Variants in MMP16 observed in about 807,000 individuals in gnomAD.
The protein encoded by MMP16 is matrix metallopeptidase 16, also known as matrix metalloproteinase-16.
A neutral mutation model predicts 67.8 loss-of-function variants in MMP16; 12 were observed. That is an observed-to-expected ratio of 0.18 (90% CI 0.11 to 0.29). MMP16 has a LOEUF of 0.29. Ranked by LOEUF, MMP16 falls within the 10% of genes least tolerant of loss-of-function variation. The pLI, the probability that MMP16 is intolerant of heterozygous loss-of-function variation, is 1.00. For synonymous variants in MMP16, 249 were observed against 255.9 expected (o/e 0.97, Z 0.26); for missense variants, 475 against 765.7 (o/e 0.62, Z 4.48).
In MMP16 at chr8:88,062,814, A is replaced by G. The variant is rs1808417193; in HGVS notation, c.1223-6536T>C. ...TACAACTTAAAGTATAATAAAAAAA[A>G]TTAAAAAAGAAGAAAAAACGTAAAT... On this transcript the variant is annotated intron_variant, in intron 7 of 9. Coordinates refer to ENST00000286614, the MANE Select transcript of MMP16 (RefSeq NM_005941.5). Among the ~76,000 whole-genome samples, 8 of 152,284 alleles carry G rather than the reference A, an allele frequency of 5.3e-5. No individual in the cohort carries two copies. In the South Asian group the frequency reaches 1.7e-3, roughly 32 times the overall value.
intron 1 of MMP16, among the ~76,000 whole-genome samples, chr8:88,304,811 A>T (rs1318229741): frequency 6.6e-6 from 1 of 152,226 alleles, no homozygotes; most frequent in Non-Finnish European, 1.5e-5. Context: ...TAAATATGAA[A>T]AGGAAAAGCC....
In MMP16 at chr8:88,229,470, A is replaced by G. The variant is rs138031144; in HGVS notation, c.133-32164T>C. ...TTTAGAAAATGAGAGAGAAGGTAGAAAAGACAGGTTATAATTAGGTTACAG... is the reference window on the plus strand; with the variant it reads ...TTTAGAAAATGAGAGAGAAGGTAGAGAAGACAGGTTATAATTAGGTTACAG... On this transcript the variant is annotated intron_variant, in intron 1 of 9. Transcript: ENST00000286614. 5.4e-3 allele frequency among the ~76,000 whole-genome samples: 817 copies of G among 152,244 alleles called. 11 individuals carry two copies. Among genetic ancestry groups the G allele is most frequent in the African/African-American group, 0.018 (768 of 41,562 alleles).
chr8:88,176,111 A>T (rs2129725312), intron 3 of MMP16, among the ~76,000 whole-genome samples: 1 of 152,330 alleles, frequency 6.6e-6, no homozygotes, highest in East Asian at 1.9e-4. Flanking sequence ...CGGGACACTA[A>T]GATTTAGTGG....
intron 6 of MMP16, among the ~76,000 whole-genome samples, chr8:88,084,594 C>T (rs928337392): frequency 1.3e-5 from 2 of 151,970 alleles, no homozygotes; most frequent in Non-Finnish European, 2.9e-5. Context: ...ATACCTACAA[C>T]TTTGTTTCGC....
chr8:88,045,975 T>A (rs1010649283), intron 9 of MMP16, among the ~76,000 whole-genome samples: 1 of 152,206 alleles, frequency 6.6e-6, no homozygotes, highest in African/African-American at 2.4e-5. Context: ...ATAAATTCAA[T>A]TTCAAATTAT....
At chr8:88,293,028 C>A (rs905902095) in intron 1 of MMP16, among the ~76,000 whole-genome samples, 1 of 152,098 alleles carries the variant, frequency 6.6e-6, no homozygotes, top group Non-Finnish European at 1.5e-5. Context: ...CCACTTAACG[C>A]TCTAGAGTTC....
rs1808022102 is a variant in MMP16, at chr8:88,034,119, T to C, written c.*7342A>G. ...TATGTCAACTTTGCTGGGACTGTCT[T>C]TGCATGGAAGTTTTGACGAAAAATA... On this transcript the variant is annotated 3_prime_UTR_variant, in exon 10 of 10. Transcript: ENST00000286614. 6.6e-6 allele frequency: 1 copy of C among 151,944 alleles called. No individual in the cohort carries two copies. The highest frequency in any genetic ancestry group is 2.1e-4 in the South Asian group (1 of 4,826). 9.4% of individuals were successfully genotyped at this position (151,944 alleles called of 1,614,324 possible).
chr8:88,123,138 A>G (rs2118448730), intron 4 of MMP16, among the ~76,000 whole-genome samples: 1 of 152,026 alleles, frequency 6.6e-6, no homozygotes, highest in South Asian at 2.1e-4. Flanking sequence ...GCAATAGATA[A>G]ATGCTGTGGG....
At chr8:88,286,562 T>C (rs931220504) in intron 1 of MMP16, among the ~76,000 whole-genome samples, 6 of 147,136 alleles carry the variant, frequency 4.1e-5, no homozygotes, top group Non-Finnish European at 7.5e-5. Context: ...GTTACATGAG[T>C]CAGAGACCTG....
chr8:88,261,836 A>G (rs570931725), intron 1 of MMP16, among the ~76,000 whole-genome samples: 59 of 151,828 alleles, frequency 3.9e-4, no homozygotes, highest in African/African-American at 1.4e-3. Context: ...ACATTTACTG[A>G]GTGTATCCTA....
At chr8:88,315,776 T>A (rs1482083537) in intron 1 of MMP16, among the ~76,000 whole-genome samples, 3 of 152,138 alleles carry the variant, frequency 2.0e-5, no homozygotes, top group Admixed American at 2.0e-4. Flanking sequence ...TTTCTCACTT[T>A]ATATTAAAAG....
chr8:88,143,173 T>C (rs1324132285), intron 4 of MMP16, among the ~76,000 whole-genome samples: 1 of 152,000 alleles, frequency 6.6e-6, no homozygotes, highest in Non-Finnish European at 1.5e-5. Flanking sequence ...TCAATCTGAA[T>C]AGGAAGGGTG....
rs1192760692 is a variant in MMP16 at position 88,054,515 on chromosome 8, C to CT, written c.1373+1612dup. Among the ~76,000 whole-genome samples, 8 of 152,236 alleles carry CT rather than the reference C, an allele frequency of 5.3e-5. No homozygotes were observed. In the East Asian group the frequency reaches 1.6e-3, roughly 30 times the overall value. ...GGACATCCTGTTGAGAGTCATTACA[C>CT]TTTTTGGGGCTTTAAGTAGCATCTT... On this transcript the variant is annotated intron_variant, in intron 8 of 9. Transcript: ENST00000286614.
chr8:88,211,265 A>C (rs1809507735), intron 1 of MMP16, among the ~76,000 whole-genome samples: 1 of 152,160 alleles, frequency 6.6e-6, no homozygotes, highest in Admixed American at 6.6e-5. Flanking sequence ...AAATTCAAAC[A>C]ACAAACAAGT....
chr8:88,071,738 G>C (rs1160004622), intron 7 of MMP16, among the ~76,000 whole-genome samples: 1 of 152,062 alleles, frequency 6.6e-6, no homozygotes, highest in Admixed American at 6.6e-5. Flanking sequence ...CTATATTCCA[G>C]GTATTGTTTA....
rs1465745228 is a variant in MMP16 at position 88,035,859 on chromosome 8, G to A, written c.*5602C>T. On this transcript the variant is annotated 3_prime_UTR_variant, in exon 10 of 10. Transcript: ENST00000286614. The surrounding 1 kb of genome is among the most constrained non-coding windows in gnomAD (Gnocchi z 4.7). Reference sequence around the variant, plus strand: ...GGTTTAACTTTCAAAGTAGACATACGTATAAAATATTGAAACATATATTTG... The same window carrying A: ...GGTTTAACTTTCAAAGTAGACATACATATAAAATATTGAAACATATATTTG... 2.6e-5 allele frequency: 4 copies of A among 151,964 alleles called. No individual in the cohort carries two copies. Among genetic ancestry groups the A allele is most frequent in the East Asian group, 1.9e-4 (1 of 5,172 alleles). The allele number at this position is 151,964 out of a possible 1,614,324, so 9.4% of individuals were successfully genotyped here.
intron 4 of MMP16, among the ~76,000 whole-genome samples, chr8:88,122,108 A>C (rs952327673): frequency 1.3e-5 from 2 of 152,140 alleles, no homozygotes; most frequent in Admixed American, 1.3e-4. Flanking sequence ...TGCACTGCTT[A>C]CATTTTTGTT....
chr8:88,108,665 A>C (rs1012465057), intron 6 of MMP16, among the ~76,000 whole-genome samples: 2 of 151,326 alleles, frequency 1.3e-5, no homozygotes, highest in African/African-American at 2.4e-5. Flanking sequence ...TGTCCATAAC[A>C]CTATTCATAA....
At position 88,167,992 on chromosome 8, in the gene MMP16, A is replaced by T; in HGVS notation, c.405-19T>A. ...CTTTATACTGAAAGTTAGAAAATAT[A>T]ATCATCAGTATTGTTATGTATAAGC... On this transcript the variant is annotated intron_variant, in intron 3 of 9. Transcript: ENST00000286614. 1 of 1,575,048 alleles carries T rather than the reference A, an allele frequency of 6.3e-7. No individual in the cohort carries two copies. The highest frequency in any genetic ancestry group is 8.6e-7 in the Non-Finnish European group (1 of 1,156,798).
Sources: gnomAD v4.1 joint callset for allele counts (sites outside exome capture counted in the v4.1 genomes callset) on GRCh38, gnomAD v4.1.1 for gene constraint, Gnocchi (gnomAD v3.1) non-coding constraint, MANE v1.5 for transcripts, NCBI Gene and HGNC (gene_info 2026-07-23, HGNC 2026-07-21) for gene names.